The following SNX14 variants were observed in gnomAD, a reference collection of about 807,000 sequenced individuals.
The protein encoded by SNX14 is sorting nexin 14, also known as sorting nexin-14.
SNX14 carries 93 observed loss-of-function variants against 133.8 expected under a neutral mutation model. The observed-to-expected ratio is 0.70, with a 90% confidence interval of 0.59 to 0.83. The LOEUF is 0.83. SNX14 is among the 40% of genes least tolerant of loss of function. The pLI, the probability that SNX14 is intolerant of heterozygous loss-of-function variation, is 0.00. For missense variants in SNX14, 945 were observed against 1,094.9 expected, an observed-to-expected ratio of 0.86 and a Z score of 1.93; for synonymous variants, 368 against 365.6, an observed-to-expected ratio of 1.01 and a Z score of -0.07.
In SNX14 at chr6:85,521,092, C is replaced by G. The variant is rs567117811; in HGVS notation, c.2108-3044G>C. On this transcript the variant is annotated intron_variant, in intron 21 of 28. Transcript: ENST00000314673. ...TTTACATCTGCACCAATATTTAGCA[C>G]TTAGTATAATCAGACTTTTAAAAAC... Among the ~76,000 whole-genome samples, 4 of 152,328 alleles carry G rather than the reference C, an allele frequency of 2.6e-5. No homozygotes were observed. In the East Asian group the frequency reaches 7.7e-4, roughly 29 times the overall value.
At chr6:85,527,556 T>C (rs74918681) in intron 20 of SNX14, among the ~76,000 whole-genome samples, 2,131 of 152,102 alleles carry the variant, frequency 0.014, 47 homozygotes, top group African/African-American at 0.049. Flanking sequence ...TTAAAAAATA[T>C]AAAATTCCAT....
intron 18 of SNX14, among the ~76,000 whole-genome samples, chr6:85,531,206 C>T (rs979118085): frequency 2.6e-5 from 4 of 152,210 alleles, no homozygotes; most frequent in African/African-American, 9.7e-5. Flanking sequence ...TGGAATCAGA[C>T]TGCCTGTTCT....
At chr6:85,558,191 T>C in intron 6 of SNX14, 131 bp from the exon 7 acceptor site, 2 of 572,328 alleles carry the variant, frequency 3.5e-6, no homozygotes, top group Non-Finnish European at 6.1e-6. Flanking sequence ...AATAACACTT[T>C]ATATTCCTGC....
intron 4 of SNX14, chr6:85,567,800 T>A (rs1008411535): frequency 6.4e-6 from 2 of 311,130 alleles, no homozygotes; most frequent in Non-Finnish European, 1.2e-5. Context: ...CTGGGTAACA[T>A]GATGAAACCC....
intron 21 of SNX14, among the ~76,000 whole-genome samples, chr6:85,519,408 A>G (rs556794959): frequency 6.6e-6 from 1 of 152,332 alleles, no homozygotes; most frequent in Admixed American, 6.5e-5. Flanking sequence ...CTAAGGTGGA[A>G]AGATCAATTG....
chr6:85,544,289 T>C (rs1784792171), intron 12 of SNX14, among the ~76,000 whole-genome samples: 1 of 152,020 alleles, frequency 6.6e-6, no homozygotes, highest in Non-Finnish European at 1.5e-5. Flanking sequence ...CAGGATGTGT[T>C]AATAAGGAGT....
intron 6 of SNX14, among the ~76,000 whole-genome samples, chr6:85,558,810 T>C (rs1490381510): frequency 2.0e-5 from 3 of 152,090 alleles, no homozygotes; most frequent in Non-Finnish European, 2.9e-5. Flanking sequence ...AAACACCCTA[T>C]TTTAGAATAA....
intron 1 of SNX14, chr6:85,581,853 C>T (rs1355779297): frequency 6.6e-6 from 1 of 151,890 alleles, no homozygotes; most frequent in Non-Finnish European, 1.5e-5. Context: ...GAAAAAATAG[C>T]CTTGAAAGGG....
chr6:85,567,620 G>C (rs538337914), intron 4 of SNX14, 43 bp from the exon 5 acceptor site: 2 of 1,324,612 alleles, frequency 1.5e-6, no homozygotes, highest in African/African-American at 3.2e-5. Flanking sequence ...AAATTAATTA[G>C]TTTTTGGAAA....
At chr6:85,585,045 C>T (rs1019663079) in intron 1 of SNX14, among the ~76,000 whole-genome samples, 2 of 152,036 alleles carry the variant, frequency 1.3e-5, no homozygotes, top group Non-Finnish European at 2.9e-5. Flanking sequence ...CCATGAAATA[C>T]TAGGCAGCCA....
chr6:85,569,188 C>T (rs1439726772), intron 4 of SNX14, among the ~76,000 whole-genome samples: 1 of 152,108 alleles, frequency 6.6e-6, no homozygotes, highest in Non-Finnish European at 1.5e-5. Context: ...TCTCGAACTC[C>T]CGACCTTAGG....
intron 18 of SNX14, among the ~76,000 whole-genome samples, chr6:85,533,187 A>G (rs1780811058): frequency 6.6e-6 from 1 of 152,206 alleles, no homozygotes; most frequent in Non-Finnish European, 1.5e-5. Flanking sequence ...ATGCCTGGCC[A>G]TATTTTCATC....
chr6:85,538,104 G>T (rs1284033169), intron 16 of SNX14, among the ~76,000 whole-genome samples: 1 of 152,008 alleles, frequency 6.6e-6, no homozygotes, highest in Admixed American at 6.6e-5. Flanking sequence ...TACAATTACA[G>T]AAAGAAAATT....
At chr6:85,545,482 G>A (rs1259841564) in intron 12 of SNX14, among the ~76,000 whole-genome samples, 1 of 151,992 alleles carries the variant, frequency 6.6e-6, no homozygotes, top group African/African-American at 2.4e-5. Flanking sequence ...AAAGAAAGAT[G>A]ATGTGGCTAT....
chr6:85,548,977 A>T lies in SNX14; in HGVS notation c.792-601T>A, dbSNP rs1437018415. Among the ~76,000 whole-genome samples the T allele has an allele frequency of 1.0e-3, 66 of 64,392 alleles. 3 individuals carry two copies. The highest frequency in any genetic ancestry group is 1.4e-4 in the African/African-American group (1 of 7,134). The allele number at this position is 64,392 out of a possible 152,430, so 42.2% of individuals were successfully genotyped here. A position where few individuals can be genotyped will look rare whatever the true frequency, so the allele number is the denominator to read the frequency against. ...GCAAGACTCTGTCTCAAAAATAATTAAAAAAAAAAAAGAAAGAAAGAAAAT... is the reference window on the plus strand; with the variant it reads ...GCAAGACTCTGTCTCAAAAATAATTTAAAAAAAAAAAGAAAGAAAGAAAAT... On this transcript the variant is annotated intron_variant, in intron 8 of 28. Transcript: ENST00000314673.
At chr6:85,568,715 A>G (rs1381076603) in intron 4 of SNX14, among the ~76,000 whole-genome samples, 1 of 152,214 alleles carries the variant, frequency 6.6e-6, no homozygotes, top group Non-Finnish European at 1.5e-5. Context: ...CTCTGGCAGC[A>G]ATAATAAAGT....
intron 21 of SNX14, among the ~76,000 whole-genome samples, chr6:85,523,826 C>T (rs1357170615): frequency 6.6e-6 from 1 of 151,978 alleles, no homozygotes. Context: ...GGTAAAATTT[C>T]AAGCATGGCT....
chr6:85,547,525 A>T lies in SNX14; in HGVS notation c.893T>A (p.Ile298Asn). ...DPDTVNHLLI[I>N]FIDDSPPEKA... ...ACTCACTGGACTGTCATCTATGAAG[A>T]TGATAAGCAAATGATTCACAGTATC... The change falls in exon 10 of 29, where the codon ATC (isoleucine) becomes AAC (asparagine). Residue 298 changes from isoleucine to asparagine, a missense_variant. Coordinates refer to ENST00000314673, the MANE Select transcript of SNX14 (RefSeq NM_153816.6). The T allele has an allele frequency of 1.9e-6, 3 of 1,603,794 alleles. No homozygotes were observed. The South Asian group carries it at 3.4e-5, about 18-fold the overall frequency.
chr6:85,567,140 G>A (rs1165367617), intron 5 of SNX14, among the ~76,000 whole-genome samples: 2 of 152,162 alleles, frequency 1.3e-5, no homozygotes, highest in African/African-American at 2.4e-5. Context: ...GAGTGATAAG[G>A]AATTCTACAA....
Sources: gnomAD v4.1 joint callset for allele counts (sites outside exome capture counted in the v4.1 genomes callset) on GRCh38, gnomAD v4.1.1 for gene constraint, MANE v1.5 for transcripts, NCBI Gene and HGNC (gene_info 2026-07-23, HGNC 2026-07-21) for gene names.